Variants in RNF17 observed in about 807,000 individuals in gnomAD.
RNF17 encodes spermatogenesis associated 23.
In RNF17, 31 loss-of-function variants were observed where a neutral mutation model predicts 200.5. The ratio of observed to expected loss-of-function variants is 0.15; its 90% CI spans 0.12 to 0.21. The LOEUF is 0.21. Ranked by LOEUF, RNF17 falls within the 10% of genes least tolerant of loss-of-function variation. The pLI is 1.00. For missense variants in RNF17, 1,628 were observed against 1,905.1 expected (o/e 0.85, Z 2.71); for synonymous variants, 606 against 637.8 (o/e 0.95, Z 0.75).
downstream of RNF17, chr13:24,884,314 GAAAC>G (rs1566276308): frequency 6.2e-7 from 1 of 1,614,090 alleles, no homozygotes. Context: ...AACACCTCTG[GAAAC>G]ATACCACTCT....
chr13:24,768,032 C>T (rs554644944), intron 2 of RNF17, among the ~76,000 whole-genome samples: 1 of 152,112 alleles, frequency 6.6e-6, no homozygotes, highest in Admixed American at 6.5e-5. Flanking sequence ...TGAACTCCCC[C>T]CCTGCCCCTC....
intron 13 of RNF17, among the ~76,000 whole-genome samples, chr13:24,802,146 C>T (rs1885322555): frequency 6.6e-6 from 1 of 151,996 alleles, no homozygotes; most frequent in Admixed American, 6.6e-5. Flanking sequence ...CCACCACGCC[C>T]CGCTAATTTT....
chr13:24,882,001 TATAG>T (rs1210381486), downstream of RNF17, among the ~76,000 whole-genome samples: 3 of 18,022 alleles, frequency 1.7e-4, no homozygotes, highest in East Asian at 8.6e-4. Context: ...GATACATCTA[TATAG>T]ATATATAGAT....
chr13:24,809,322 C>A (rs1173359421), intron 15 of RNF17, among the ~76,000 whole-genome samples: 6 of 151,774 alleles, frequency 4.0e-5, no homozygotes, highest in Non-Finnish European at 5.9e-5. Flanking sequence ...ACAATTTCAG[C>A]TCCTGTTATT....
In RNF17 at chr13:24,810,226, A is replaced by G. The variant is rs1231703410; in HGVS notation, c.2091+5797A>G. 2.9e-3 allele frequency among the ~76,000 whole-genome samples: 430 copies of G among 148,428 alleles called. 2 individuals carry two copies. Among genetic ancestry groups the G allele is most frequent in the African/African-American group, 0.01 (410 of 39,234 alleles). ...ACTTTCTGTCTCGTTGATCTGTCTAATGTTGACAGTGGGGTGTTAAAGTCT... is the reference window on the plus strand; with the variant it reads ...ACTTTCTGTCTCGTTGATCTGTCTAGTGTTGACAGTGGGGTGTTAAAGTCT... On this transcript the variant is annotated intron_variant, in intron 15 of 35. Transcript: ENST00000255324.
At chr13:24,810,737 C>T (rs915759871) in intron 15 of RNF17, among the ~76,000 whole-genome samples, 9 of 147,384 alleles carry the variant, frequency 6.1e-5, no homozygotes, top group Middle Eastern at 7.1e-3. Context: ...TTCCTAGTCT[C>T]GATGGTCTTT....
chr13:24,838,485 TC>T (rs1348806647), intron 18 of RNF17, among the ~76,000 whole-genome samples: 6 of 152,128 alleles, frequency 3.9e-5, no homozygotes, highest in Non-Finnish European at 8.8e-5. Flanking sequence ...TAATCCATGA[TC>T]AAGTGAGTTT....
intron 10 of RNF17, 70 bp downstream of exon 10, chr13:24,793,416 C>T (rs905497022): frequency 2.1e-5 from 29 of 1,369,770 alleles, no homozygotes; most frequent in Middle Eastern, 1.9e-4. Flanking sequence ...GTACCTTTTT[C>T]GTCCATGCAT....
chr13:24,870,200 G>T (rs1051963276), intron 31 of RNF17, among the ~76,000 whole-genome samples: 4 of 152,022 alleles, frequency 2.6e-5, no homozygotes, highest in African/African-American at 9.7e-5. Context: ...CCCTGCCGCG[G>T]CCTCCAAAAG....
chr13:24,813,964 C>T (rs73465099), intron 15 of RNF17, among the ~76,000 whole-genome samples: 22,032 of 151,470 alleles, frequency 0.15, 1,644 homozygotes, highest in African/African-American at 0.16. Context: ...ACTCAGTCTG[C>T]GTTTATCTTT....
downstream of RNF17, chr13:24,883,247 G>A (rs370980033): frequency 1.1e-5 from 18 of 1,613,924 alleles, no homozygotes; most frequent in South Asian, 9.9e-5. Flanking sequence ...TCTGTACTTC[G>A]TTTCTTGATG....
At chr13:24,881,842 A>G (rs1389695761), downstream of RNF17, among the ~76,000 whole-genome samples, 2 of 136,694 alleles carry the variant, frequency 1.5e-5, no homozygotes, top group East Asian at 2.1e-4. Flanking sequence ...ATATAGATAT[A>G]TAGATACATC....
At chr13:24,884,544 T>C, downstream of RNF17, 2 of 1,358,520 alleles carry the variant, frequency 1.5e-6, no homozygotes, top group Non-Finnish European at 2.1e-6. Flanking sequence ...CTGCCTACTT[T>C]GAAATTTTTT....
At chr13:24,883,521 T>A (rs1953926116), downstream of RNF17, 1 of 628,474 alleles carries the variant, frequency 1.6e-6, no homozygotes, top group East Asian at 2.7e-5. Context: ...TTCTACAGTG[T>A]TTCTGCTTCA....
At chr13:24,812,686 T>TCCCCCC (rs1886857916) in intron 15 of RNF17, among the ~76,000 whole-genome samples, 1 of 13,028 alleles carries the variant, frequency 7.7e-5, no homozygotes, top group Non-Finnish European at 1.6e-4. Context: ...CCCACCCCCT[T>TCCCCCC]TTTTTTTTTT....
chr13:24,873,368 A>G (rs1027829912), intron 32 of RNF17, among the ~76,000 whole-genome samples: 3 of 152,238 alleles, frequency 2.0e-5, no homozygotes, highest in Admixed American at 6.5e-5. Flanking sequence ...CAACTGTTCA[A>G]TATTTAATTC....
intron 5 of RNF17, among the ~76,000 whole-genome samples, chr13:24,780,719 TAAA>T (rs1327431659): frequency 1.3e-5 from 2 of 151,924 alleles, no homozygotes; most frequent in African/African-American, 4.8e-5. Flanking sequence ...CCATCTCTAT[TAAA>T]AATTCAAAAG....
At chr13:24,764,744 A>G (rs756507368) in intron 1 of RNF17, among the ~76,000 whole-genome samples, 5 of 152,156 alleles carry the variant, frequency 3.3e-5, no homozygotes, top group African/African-American at 7.2e-5. Context: ...CAAGTAGACC[A>G]TTGTGAAATG....
intron 11 of RNF17, among the ~76,000 whole-genome samples, chr13:24,797,440 C>T (rs1183165448): frequency 6.6e-6 from 1 of 151,984 alleles, no homozygotes; most frequent in East Asian, 1.9e-4. Context: ...GACTTTTATC[C>T]ATTGAAAGAA....
Sources: allele counts gnomAD v4.1 joint callset (sites outside exome capture counted in the v4.1 genomes callset), GRCh38; gene constraint gnomAD v4.1.1; transcripts MANE v1.5; gene names NCBI Gene and HGNC (gene_info 2026-07-23, HGNC 2026-07-21).